The following LDB2 variants were observed in gnomAD, a reference collection of about 807,000 sequenced individuals.
LDB2 encodes LIM domain binding 2.
Under a neutral mutation model 44.3 loss-of-function variants are expected in LDB2, and 12 were observed. That is an observed-to-expected ratio of 0.27 (90% CI 0.17 to 0.44). The LOEUF (loss-of-function observed/expected upper bound fraction) is 0.44. LDB2 is among the 20% of genes least tolerant of loss of function. LDB2 has a pLI of 1.00. For synonymous variants in LDB2, 164 were observed against 174.8 expected (o/e 0.94, Z 0.49); for missense variants, 344 against 473.5 (o/e 0.73, Z 2.54).
chr4:16,735,455 C>T (rs11938046), intron 2 of LDB2, among the ~76,000 whole-genome samples: 15,346 of 151,892 alleles, frequency 0.1, 901 homozygotes, highest in Admixed American at 0.17. Context: ...TAGTTAGTGC[C>T]CACTGTGGGA....
intron 1 of LDB2, among the ~76,000 whole-genome samples, chr4:16,821,594 T>G (rs1003060212): frequency 6.6e-6 from 1 of 150,734 alleles, no homozygotes; most frequent in Non-Finnish European, 1.5e-5. Context: ...ATTCACCGTG[T>G]TAGCCAGGAT....
chr4:16,719,435 T>C (rs897410272), intron 2 of LDB2, among the ~76,000 whole-genome samples: 2 of 152,112 alleles, frequency 1.3e-5, no homozygotes, highest in Admixed American at 6.6e-5. Context: ...AGGATGACCA[T>C]CCCTTTGACG....
chr4:16,859,411 G>A (rs6845849), intron 1 of LDB2, among the ~76,000 whole-genome samples: 136 of 152,252 alleles, frequency 8.9e-4, no homozygotes, highest in South Asian at 3.9e-3. Context: ...CTATTAAACC[G>A]CATTTTGAAA....
At chr4:16,683,387 AG>A (rs1362066993) in intron 2 of LDB2, among the ~76,000 whole-genome samples, 1 of 152,232 alleles carries the variant, frequency 6.6e-6, no homozygotes, top group Non-Finnish European at 1.5e-5. Flanking sequence ...ATGGAGCTTC[AG>A]GAGAATCAAA....
Position 16,595,894 on chromosome 4 carries a change from G to C in LDB2, c.236-19C>G, listed in dbSNP as rs373796525. The C allele has an allele frequency of 3.7e-6, 6 of 1,610,258 alleles. No homozygotes were observed. The African/African-American group carries it at 6.7e-5, about 18-fold the overall frequency. On this transcript the variant is annotated intron_variant, in intron 2 of 7. Coordinates refer to ENST00000304523, the MANE Select transcript of LDB2 (RefSeq NM_001290.5). Reference sequence around the variant, plus strand: ...CCGATAGCTGGGAGAGAAACACAGAGAAACAAACCATTAACAAAAATATCC... The same window carrying C: ...CCGATAGCTGGGAGAGAAACACAGACAAACAAACCATTAACAAAAATATCC...
intron 2 of LDB2, among the ~76,000 whole-genome samples, chr4:16,638,008 C>A (rs1475377910): frequency 2.0e-5 from 3 of 152,136 alleles, no homozygotes; most frequent in Admixed American, 1.3e-4. Flanking sequence ...ATTTTTAAAG[C>A]ACGATATTAA....
chr4:16,782,310 G>A (rs966198253), intron 1 of LDB2, among the ~76,000 whole-genome samples: 1 of 151,950 alleles, frequency 6.6e-6, no homozygotes, highest in Admixed American at 6.6e-5. Context: ...AATATACTTG[G>A]CGCTCAACAA....
intron 2 of LDB2, among the ~76,000 whole-genome samples, chr4:16,743,405 A>T (rs1579261306): frequency 6.6e-6 from 1 of 152,064 alleles, no homozygotes; most frequent in East Asian, 1.9e-4. Flanking sequence ...TGGTATATGC[A>T]CCCTGCATAA....
intron 1 of LDB2, among the ~76,000 whole-genome samples, chr4:16,819,099 T>C (rs201945806): frequency 0.38 from 51,914 of 136,842 alleles, 9,226 homozygotes; most frequent in East Asian, 0.68. Context: ...TGCTTGTGTG[T>C]GTGTGTGTGT....
chr4:16,854,691 C>G (rs1158735975), intron 1 of LDB2, among the ~76,000 whole-genome samples: 1 of 148,268 alleles, frequency 6.7e-6, no homozygotes. Flanking sequence ...ATAACTATTA[C>G]ATATAACATT....
chr4:16,603,638 T>C (rs568630017), intron 2 of LDB2, among the ~76,000 whole-genome samples: 5 of 152,314 alleles, frequency 3.3e-5, no homozygotes, highest in South Asian at 2.1e-4. Context: ...TATTACTCTT[T>C]TATGTCAGCA....
chr4:16,536,889 A>G (rs1359998659), intron 5 of LDB2, among the ~76,000 whole-genome samples: 1 of 152,240 alleles, frequency 6.6e-6, no homozygotes, highest in Non-Finnish European at 1.5e-5. Context: ...GTTCAAAAAT[A>G]AAGCCCATTT....
chr4:16,635,002 G>A (rs1733158035), intron 2 of LDB2, among the ~76,000 whole-genome samples: 1 of 152,178 alleles, frequency 6.6e-6, no homozygotes, highest in South Asian at 2.1e-4. Context: ...GGACATGGAT[G>A]AAGCTGGAAA....
At chr4:16,800,275 T>C (rs940259526) in intron 1 of LDB2, among the ~76,000 whole-genome samples, 1 of 152,234 alleles carries the variant, frequency 6.6e-6, no homozygotes, top group African/African-American at 2.4e-5. Flanking sequence ...CTGATAATAA[T>C]GTAAATAATT....
chr4:16,607,668 GCAC>G (rs1467587953), intron 2 of LDB2, among the ~76,000 whole-genome samples: 1 of 152,156 alleles, frequency 6.6e-6, no homozygotes, highest in Non-Finnish European at 1.5e-5. Flanking sequence ...CCCTGTTTAT[GCAC>G]AGATTTGGGA....
At chr4:16,893,419 G>C (rs1042176442) in intron 1 of LDB2, among the ~76,000 whole-genome samples, 16 of 151,904 alleles carry the variant, frequency 1.1e-4, no homozygotes, top group Non-Finnish European at 2.1e-4. Context: ...ATGATACCAA[G>C]CTATTCCATG....
At chr4:16,821,746 C>CAAAAAAGAAAAAA (rs1782082576) in intron 1 of LDB2, among the ~76,000 whole-genome samples, 1 of 61,750 alleles carries the variant, frequency 1.6e-5, no homozygotes. Context: ...AACATTAAAG[C>CAAAAAAGAAAAAA]AAAAAAAAAA....
chr4:16,896,519 G>A (rs934324637), intron 1 of LDB2, among the ~76,000 whole-genome samples: 18 of 152,102 alleles, frequency 1.2e-4, no homozygotes, highest in African/African-American at 3.6e-4. Context: ...ATCAGAGAAA[G>A]CTGCCTGTGT....
chr4:16,630,700 A>C (rs1277246404), intron 2 of LDB2, among the ~76,000 whole-genome samples: 1 of 152,178 alleles, frequency 6.6e-6, no homozygotes, highest in African/African-American at 2.4e-5. Flanking sequence ...TCCATCTCAC[A>C]TTCAAAGATG....
Sources: gnomAD v4.1 joint callset for allele counts (sites outside exome capture counted in the v4.1 genomes callset) on GRCh38, gnomAD v4.1.1 for gene constraint, MANE v1.5 for transcripts, NCBI Gene and HGNC (gene_info 2026-07-23, HGNC 2026-07-21) for gene names.